Variants in PHC3 observed in about 807,000 individuals in gnomAD.
PHC3 encodes polyhomeotic homolog 3, also known as polyhomeotic-like protein 3.
PHC3 carries 13 observed loss-of-function variants against 107.4 expected under a neutral mutation model. The observed-to-expected ratio is 0.12, with a 90% CI of 0.08 to 0.19. The LOEUF is 0.19. Among genes scored for constraint, PHC3 ranks in the 10% least tolerant of loss-of-function variants. The pLI, the probability that PHC3 is intolerant of heterozygous loss-of-function variation, is 1.00. For missense variants in PHC3, 992 were observed against 1,210.9 expected (o/e 0.82, Z 2.68); for synonymous variants, 456 against 427.4 (o/e 1.07, Z -0.83).
At chr3:170,134,907 G>A (rs1445799110) in intron 7 of PHC3, among the ~76,000 whole-genome samples, 1 of 152,138 alleles carries the variant, frequency 6.6e-6, no homozygotes, top group Non-Finnish European at 1.5e-5. Flanking sequence ...AAAGTTCAGA[G>A]GGAGGAGAAA....
At chr3:170,098,072 TG>T (rs1173747904) in intron 14 of PHC3, among the ~76,000 whole-genome samples, 2 of 152,190 alleles carry the variant, frequency 1.3e-5, no homozygotes, top group African/African-American at 4.8e-5. Flanking sequence ...ATGAGCTTGC[TG>T]GCGAATTTCC....
intron 7 of PHC3, 39 bp downstream of exon 7, chr3:170,136,380 T>C (rs761706700): frequency 8.1e-6 from 13 of 1,610,630 alleles, no homozygotes; most frequent in African/African-American, 1.3e-5. Flanking sequence ...GCTAAGAAAA[T>C]GAATAATACA....
rs924036303 is a variant in PHC3 at position 170,096,245 on chromosome 3, A to C, written c.*985T>G. 1 of 152,132 alleles carries C rather than the reference A, an allele frequency of 6.6e-6. No individual in the cohort carries two copies. Among genetic ancestry groups the C allele is most frequent in the Non-Finnish European group, 1.5e-5 (1 of 68,014 alleles). 9.4% of individuals were successfully genotyped at this position (152,132 alleles called of 1,614,324 possible). Reference sequence around the variant, plus strand: ...GAAAAAATTATTCAGCAGAATATTAATGTTATCTGAATAATACTTCCATCA... The same window carrying C: ...GAAAAAATTATTCAGCAGAATATTACTGTTATCTGAATAATACTTCCATCA... On this transcript the variant is annotated 3_prime_UTR_variant, in exon 15 of 15. Coordinates refer to ENST00000495893, the MANE Select transcript of PHC3 (RefSeq NM_024947.4).
At chr3:170,176,225 CA>C (rs375783409) in intron 2 of PHC3, among the ~76,000 whole-genome samples, 167 of 82,344 alleles carry the variant, frequency 2.0e-3, no homozygotes, top group Middle Eastern at 6.9e-3. Flanking sequence ...GACTCGGTCT[CA>C]AAAAAAAAAA....
chr3:170,091,617 A>G lies in PHC3; in HGVS notation c.*5613T>C, dbSNP rs1463816147. Reference sequence around the variant, plus strand: ...CATGACACTTGGAAGGGGTGTGTGCATGTGTCTGAGTAGAAAAGCTGATCT... The same window carrying G: ...CATGACACTTGGAAGGGGTGTGTGCGTGTGTCTGAGTAGAAAAGCTGATCT... On this transcript the variant is annotated 3_prime_UTR_variant, in exon 15 of 15. Transcript: ENST00000495893. 6.6e-6 allele frequency: 1 copy of G among 152,196 alleles called. No homozygotes were observed. Among genetic ancestry groups the G allele is most frequent in the Non-Finnish European group, 1.5e-5 (1 of 68,040 alleles). 9.4% of individuals were successfully genotyped at this position (152,196 alleles called of 1,614,324 possible).
intron 14 of PHC3, among the ~76,000 whole-genome samples, chr3:170,100,589 T>C (rs141148685): frequency 0.012 from 1,856 of 152,312 alleles, 40 homozygotes; most frequent in African/African-American, 0.042. Context: ...TTTTATGATA[T>C]ATAATGTTTT....
Position 170,119,420 on chromosome 3 carries a change from A to AT in PHC3, c.1943-1945dup, listed in dbSNP as rs1269375449. 3.3e-5 allele frequency among the ~76,000 whole-genome samples: 5 copies of AT among 152,252 alleles called. No homozygotes were observed. In the East Asian group the frequency reaches 9.6e-4, roughly 29 times the overall value. On this transcript the variant is annotated intron_variant, in intron 9 of 14. Coordinates refer to ENST00000495893, the MANE Select transcript of PHC3 (RefSeq NM_024947.4). ...TAATGCTTGCTGTATATTCTAATTA[A>AT]TATCTAGATCATGTGCATAAATGTG...
At chr3:170,177,950 C>A (rs575295323) in intron 2 of PHC3, among the ~76,000 whole-genome samples, 1 of 150,358 alleles carries the variant, frequency 6.7e-6, no homozygotes, top group Admixed American at 6.6e-5. Context: ...GGATTACAGG[C>A]GTGAGCCACC....
rs1714647936 is a variant in PHC3, at chr3:170,096,390, TC to T, written c.*839del. The T allele has an allele frequency of 2.0e-5, 3 of 152,206 alleles. No individual in the cohort carries two copies. In the South Asian group the frequency reaches 6.2e-4, roughly 32 times the overall value. The allele number at this position is 152,206 out of a possible 1,614,324, so 9.4% of individuals were successfully genotyped here. ...GTACCGATATTTTTGAACCAATAAT[TC>T]TTTACAGTGGAGGGGTGCTGTCCTG... On this transcript the variant is annotated 3_prime_UTR_variant, in exon 15 of 15. Transcript: ENST00000495893.
chr3:170,151,298 A>G (rs184441855), intron 4 of PHC3, among the ~76,000 whole-genome samples: 63 of 152,354 alleles, frequency 4.1e-4, no homozygotes, highest in Non-Finnish European at 8.2e-4. Context: ...AGCACAGAAT[A>G]CAATTAATAA....
At chr3:170,153,502 G>A (rs1484873761) in intron 4 of PHC3, among the ~76,000 whole-genome samples, 1 of 152,178 alleles carries the variant, frequency 6.6e-6, no homozygotes, top group Non-Finnish European at 1.5e-5. Flanking sequence ...GGTGGCTCAC[G>A]CCTGTAATCC....
At position 170,172,707 on chromosome 3, in the gene PHC3, A is replaced by T. The variant is rs773280270; in HGVS notation, c.186T>A (p.Ile62=). ...SGSDRHAVQV[I]QQALHRPPSS... ...TGGGGGGCCGATGCAATGCCTGTTGAATTACCTGTGATAAGTCAATTGAAC... is the reference window on the plus strand; with the variant it reads ...TGGGGGGCCGATGCAATGCCTGTTGTATTACCTGTGATAAGTCAATTGAAC... The change falls in exon 3 of 15, where the codon ATT becomes ATA. Residue 62 remains isoleucine (I), a synonymous_variant. Coordinates refer to ENST00000495893, the MANE Select transcript of PHC3 (RefSeq NM_024947.4). The T allele has an allele frequency of 6.2e-7, 1 of 1,602,054 alleles. No homozygotes were observed. The highest frequency in any genetic ancestry group is 1.1e-5 in the South Asian group (1 of 90,312).
intron 6 of PHC3, among the ~76,000 whole-genome samples, chr3:170,141,067 TTAAC>T (rs1395227264): frequency 1.3e-5 from 2 of 152,198 alleles, no homozygotes; most frequent in Non-Finnish European, 2.9e-5. Context: ...TAAGGAAAAA[TTAAC>T]TGTTGTACTG....
At position 170,117,163 on chromosome 3, in the gene PHC3, T is replaced by C. The variant is rs753090690; in HGVS notation, c.2193+63A>G. 49 of 1,590,440 alleles carry C rather than the reference T, an allele frequency of 3.1e-5. No individual in the cohort carries two copies. In the African/African-American group the frequency reaches 3.8e-4, roughly 12 times the overall value. ...AGCTTTTTATTAGAGAACAGTAATATGTAACTTTTAAAATAATGTTATATA... is the reference window on the plus strand; with the variant it reads ...AGCTTTTTATTAGAGAACAGTAATACGTAACTTTTAAAATAATGTTATATA... On this transcript the variant is annotated intron_variant, in intron 10 of 14. Coordinates refer to ENST00000495893, the MANE Select transcript of PHC3 (RefSeq NM_024947.4).
intron 8 of PHC3, among the ~76,000 whole-genome samples, chr3:170,127,625 A>G (rs1205630951): frequency 3.9e-5 from 6 of 152,378 alleles, no homozygotes; most frequent in African/African-American, 1.4e-4. Context: ...AAGTATGAAA[A>G]GAAAAAACAA....
At chr3:170,172,439 G>A (rs974384813) in intron 3 of PHC3, 118 bp downstream of exon 3, 49 of 1,093,676 alleles carry the variant, frequency 4.5e-5, no homozygotes, top group African/African-American at 3.7e-4. Context: ...TATTTCCTCC[G>A]GGAAAAATAA....
intron 4 of PHC3, among the ~76,000 whole-genome samples, chr3:170,168,088 G>C (rs1479765230): frequency 1.3e-5 from 2 of 151,958 alleles, no homozygotes; most frequent in East Asian, 3.9e-4. Context: ...CTTGAGCCTG[G>C]GAGATTGAGG....
At chr3:170,160,256 CA>C (rs1188634591) in intron 4 of PHC3, among the ~76,000 whole-genome samples, 1 of 152,184 alleles carries the variant, frequency 6.6e-6, no homozygotes, top group Non-Finnish European at 1.5e-5. Context: ...CTCTTGTCTG[CA>C]AACTCTACCT....
intron 2 of PHC3, among the ~76,000 whole-genome samples, chr3:170,174,210 A>G (rs1302974810): frequency 6.6e-6 from 1 of 151,870 alleles, no homozygotes; most frequent in Non-Finnish European, 1.5e-5. Flanking sequence ...TAATAATAAT[A>G]AAATAAAAAT....
Sources: allele counts gnomAD v4.1 joint callset (sites outside exome capture counted in the v4.1 genomes callset), GRCh38; gene constraint gnomAD v4.1.1; transcripts MANE v1.5; gene names NCBI Gene and HGNC (gene_info 2026-07-23, HGNC 2026-07-21).